Variants in MARCHF1 observed in about 807,000 individuals in gnomAD.
The protein encoded by MARCHF1 is E3 ubiquitin-protein ligase MARCHF1.
A neutral mutation model predicts 54.2 loss-of-function variants in MARCHF1; 40 were observed. That is an observed-to-expected ratio of 0.74 (90% CI 0.57 to 0.96). MARCHF1 has a LOEUF of 0.96. Ranked by LOEUF, MARCHF1 falls within the 40% of genes least tolerant of loss-of-function variation. The pLI is 0.00. For missense variants in MARCHF1, 586 were observed against 656.5 expected, an observed-to-expected ratio of 0.89 and a Z score of 1.17; for synonymous variants, 236 against 236.3, an observed-to-expected ratio of 1.00 and a Z score of 0.01.
intron 1 of MARCHF1, among the ~76,000 whole-genome samples, chr4:164,254,585 TTATTAAG>T (rs1425775240): frequency 6.6e-6 from 1 of 151,858 alleles, no homozygotes; most frequent in East Asian, 1.9e-4. Flanking sequence ...AAAGGGGAGT[TTATTAAG>T]TATTAAGTTG....
chr4:163,720,635 C>T (rs900915312), intron 4 of MARCHF1, among the ~76,000 whole-genome samples: 5 of 152,126 alleles, frequency 3.3e-5, no homozygotes, highest in African/African-American at 4.8e-5. Flanking sequence ...GCCATTTTCA[C>T]GATATTGATT....
At chr4:163,905,680 TG>T (rs1483769501) in intron 3 of MARCHF1, among the ~76,000 whole-genome samples, 1 of 152,086 alleles carries the variant, frequency 6.6e-6, no homozygotes, top group Admixed American at 6.6e-5. Context: ...CCTGTGTTAT[TG>T]TTTTATCTTT....
chr4:163,767,545 A>G lies in MARCHF1; in HGVS notation c.112-66682T>C, dbSNP rs145361906. Among the ~76,000 whole-genome samples the G allele has an allele frequency of 3.3e-3, 496 of 152,230 alleles. 4 individuals carry two copies. The highest frequency in any genetic ancestry group is 0.011 in the African/African-American group (459 of 41,532). On this transcript the variant is annotated intron_variant, in intron 4 of 9. Coordinates refer to ENST00000514618, the MANE Select transcript of MARCHF1 (RefSeq NM_001394959.1). Reference sequence around the variant, plus strand: ...GAGACGGGGTTTCACTGTGTTAGCCAGGATGGTCTCGATCTCCTGACCTCA... The same window carrying G: ...GAGACGGGGTTTCACTGTGTTAGCCGGGATGGTCTCGATCTCCTGACCTCA...
chr4:164,087,123 A>G (rs1560897612), intron 2 of MARCHF1, among the ~76,000 whole-genome samples: 2 of 152,046 alleles, frequency 1.3e-5, no homozygotes, highest in South Asian at 2.1e-4. Context: ...AGCACAGTCA[A>G]TTCAACCTAC....
At chr4:163,919,723 G>T (rs1477232757) in intron 3 of MARCHF1, among the ~76,000 whole-genome samples, 1 of 152,012 alleles carries the variant, frequency 6.6e-6, no homozygotes, top group East Asian at 1.9e-4. Context: ...TTCAAAAGAG[G>T]TTAGGAAAAT....
chr4:163,873,023 G>T (rs1465457658), intron 3 of MARCHF1, among the ~76,000 whole-genome samples: 92 of 151,270 alleles, frequency 6.1e-4, no homozygotes, highest in African/African-American at 2.1e-3. Context: ...CAGCCTGGGC[G>T]ACAGAGCGAG....
intron 3 of MARCHF1, among the ~76,000 whole-genome samples, chr4:163,967,891 T>C (rs1752475126): frequency 1.3e-5 from 2 of 152,126 alleles, no homozygotes. Flanking sequence ...CTTTTTGCTG[T>C]ATTTAGACCT....
chr4:164,268,390 T>C (rs1262237837), intron 1 of MARCHF1, among the ~76,000 whole-genome samples: 1 of 151,964 alleles, frequency 6.6e-6, no homozygotes, highest in Admixed American at 6.6e-5. Context: ...GAAGAGGAGG[T>C]CTTTATATAA....
Position 164,358,490 on chromosome 4 carries a change from C to T in MARCHF1, c.-323+25380G>A, listed in dbSNP as rs572851114. ...GAATTGCAAGAATTTCAAAATGAAA[C>T]GTACTAAACAGGATATCTGAAATTA... On this transcript the variant is annotated intron_variant, in intron 1 of 9. Coordinates refer to ENST00000514618, the MANE Select transcript of MARCHF1 (RefSeq NM_001394959.1). Among the ~76,000 whole-genome samples, 23 of 152,164 alleles carry T rather than the reference C, an allele frequency of 1.5e-4. No homozygotes were observed. In the South Asian group the frequency reaches 3.7e-3, roughly 25 times the overall value.
At chr4:163,805,231 CGTT>C (rs1209800439) in intron 4 of MARCHF1, among the ~76,000 whole-genome samples, 1 of 151,906 alleles carries the variant, frequency 6.6e-6, no homozygotes, top group African/African-American at 2.4e-5. Context: ...ATCATTTAAA[CGTT>C]GTATTATTAT....
At chr4:164,232,862 C>G (rs973753958) in intron 1 of MARCHF1, among the ~76,000 whole-genome samples, 2 of 152,176 alleles carry the variant, frequency 1.3e-5, no homozygotes, top group Middle Eastern at 3.2e-3. Flanking sequence ...ATGCCACACA[C>G]AGAAACCTAT....
At chr4:164,134,968 T>C (rs1405624948) in intron 1 of MARCHF1, among the ~76,000 whole-genome samples, 2 of 152,154 alleles carry the variant, frequency 1.3e-5, no homozygotes, top group Non-Finnish European at 2.9e-5. Context: ...GGATAATGGG[T>C]ATCCATGATA....
chr4:163,825,825 A>G (rs1383246327), intron 4 of MARCHF1, among the ~76,000 whole-genome samples: 1 of 151,966 alleles, frequency 6.6e-6, no homozygotes, highest in African/African-American at 2.4e-5. Flanking sequence ...AAATGGTAAG[A>G]TAAATCAGCT....
intron 9 of MARCHF1, among the ~76,000 whole-genome samples, chr4:163,540,460 A>T (rs975499667): frequency 3.9e-5 from 6 of 152,168 alleles, no homozygotes; most frequent in African/African-American, 1.4e-4. Flanking sequence ...GCTTCTCTCC[A>T]GTTGGGTAGA....
intron 2 of MARCHF1, among the ~76,000 whole-genome samples, chr4:164,027,362 TAAAAAAAAAAAAAAA>T (rs59453843): frequency 3.7e-4 from 4 of 10,788 alleles, no homozygotes; most frequent in Non-Finnish European, 6.1e-4. Context: ...ATGGTACAGG[TAAAAAAAAAAAAAAA>T]AAAAAAAAAA....
intron 2 of MARCHF1, among the ~76,000 whole-genome samples, chr4:164,091,434 A>ATATATATATATATATATATATATATAT (rs56887424): frequency 7.5e-5 from 11 of 147,062 alleles, no homozygotes; most frequent in Non-Finnish European, 1.2e-4. Context: ...ATATATGTAT[A>ATATATATATATATATATATATATATAT]AAATGAATTG....
At chr4:164,263,143 T>C (rs933988717) in intron 1 of MARCHF1, among the ~76,000 whole-genome samples, 1 of 151,690 alleles carries the variant, frequency 6.6e-6, no homozygotes, top group Non-Finnish European at 1.5e-5. Context: ...CGCGTGCGTG[T>C]GTGTGTGTGT....
intron 4 of MARCHF1, among the ~76,000 whole-genome samples, chr4:163,713,941 GAACA>G (rs1745183722): frequency 6.6e-6 from 1 of 152,082 alleles, no homozygotes; most frequent in Non-Finnish European, 1.5e-5. Context: ...AGACATGAAA[GAACA>G]AACACATAAT....
At chr4:163,800,576 A>G (rs1748054140) in intron 4 of MARCHF1, among the ~76,000 whole-genome samples, 1 of 152,176 alleles carries the variant, frequency 6.6e-6, no homozygotes, top group Non-Finnish European at 1.5e-5. Flanking sequence ...TTCTGATGAC[A>G]ATAAAAAGAT....
Sources: gnomAD v4.1 joint callset for allele counts (sites outside exome capture counted in the v4.1 genomes callset) on GRCh38, gnomAD v4.1.1 for gene constraint, MANE v1.5 for transcripts, NCBI Gene and HGNC (gene_info 2026-07-23, HGNC 2026-07-21) for gene names.